Variants in CCDC85A observed in about 807,000 individuals in gnomAD.
The protein encoded by CCDC85A is coiled-coil domain-containing protein 85A.
CCDC85A carries 38 observed loss-of-function variants against 50.2 expected under a neutral mutation model. That is an observed-to-expected ratio of 0.76 (90% CI 0.58 to 0.99). The LOEUF (loss-of-function observed/expected upper bound fraction) is 0.99. Among genes scored for constraint, CCDC85A ranks in the 50% least tolerant of loss-of-function variants. CCDC85A has a pLI of 0.00. For synonymous variants in CCDC85A, 366 were observed against 301.4 expected (o/e 1.21, Z -2.22); for missense variants, 820 against 742.0 (o/e 1.11, Z -1.22).
At chr2:56,225,014 A>T (rs1214855815) in intron 2 of CCDC85A, among the ~76,000 whole-genome samples, 2 of 152,102 alleles carry the variant, frequency 1.3e-5, no homozygotes, top group Non-Finnish European at 1.5e-5. Flanking sequence ...GTTTATGAAG[A>T]TATATACCTA....
intron 2 of CCDC85A, among the ~76,000 whole-genome samples, chr2:56,206,306 A>G (rs2103864831): frequency 6.6e-6 from 1 of 152,322 alleles, no homozygotes; most frequent in East Asian, 1.9e-4. Context: ...TGGGATTTTA[A>G]ATTGAACTCC....
At chr2:56,239,196 T>G (rs1214699024) in intron 2 of CCDC85A, among the ~76,000 whole-genome samples, 1 of 152,110 alleles carries the variant, frequency 6.6e-6, no homozygotes, top group Non-Finnish European at 1.5e-5. Context: ...GTTATATGAC[T>G]GCAGAGTTTG....
At chr2:56,228,435 A>G (rs1668633025) in intron 2 of CCDC85A, among the ~76,000 whole-genome samples, 1 of 152,136 alleles carries the variant, frequency 6.6e-6, no homozygotes, top group South Asian at 2.1e-4. Context: ...AGTGTACAAT[A>G]AATATTTACT....
intron 3 of CCDC85A, among the ~76,000 whole-genome samples, chr2:56,359,969 T>A (rs1055729785): frequency 1.6e-4 from 25 of 152,290 alleles, no homozygotes; most frequent in African/African-American, 6.0e-4. Flanking sequence ...ATGTTTTCTG[T>A]GGGTCAGGAC....
At chr2:56,189,398 T>A (rs776636006) in intron 1 of CCDC85A, among the ~76,000 whole-genome samples, 29 of 150,818 alleles carry the variant, frequency 1.9e-4, no homozygotes, top group Non-Finnish European at 3.8e-4. Flanking sequence ...TTCAAGCAAT[T>A]CTCCTGCCTC....
intron 2 of CCDC85A, among the ~76,000 whole-genome samples, chr2:56,307,397 G>C (rs1239779315): frequency 6.6e-6 from 1 of 152,134 alleles, no homozygotes; most frequent in African/African-American, 2.4e-5. Flanking sequence ...GCTCCTTGCA[G>C]TCTCCCTACA....
chr2:56,279,649 C>T (rs557642817), intron 2 of CCDC85A, among the ~76,000 whole-genome samples: 11 of 152,272 alleles, frequency 7.2e-5, no homozygotes, highest in Non-Finnish European at 1.6e-4. Flanking sequence ...TTTTTAGACT[C>T]CACATATGAG....
intron 2 of CCDC85A, among the ~76,000 whole-genome samples, chr2:56,338,875 A>G (rs577635570): frequency 2.0e-5 from 3 of 152,136 alleles, no homozygotes; most frequent in Admixed American, 1.3e-4. Context: ...CCATTAAAGG[A>G]TGGTGTAATC....
At chr2:56,283,110 C>G (rs1346248781) in intron 2 of CCDC85A, among the ~76,000 whole-genome samples, 3 of 151,986 alleles carry the variant, frequency 2.0e-5, no homozygotes, top group Non-Finnish European at 4.4e-5. Flanking sequence ...GACAGTTTTA[C>G]TTCTTACTTT....
chr2:56,288,930 T>C lies in CCDC85A; in HGVS notation c.1241-53949T>C, dbSNP rs548809979. Among the ~76,000 whole-genome samples, 29 of 152,306 alleles carry C rather than the reference T, an allele frequency of 1.9e-4. No homozygotes were observed. In the South Asian group the frequency reaches 5.4e-3, roughly 28 times the overall value. ...AGTGATAATTATTTCTAAAGGTCTG[T>C]GTACAGAGAGCCTTATGACCCTTTA... On this transcript the variant is annotated intron_variant, in intron 2 of 5. Coordinates refer to ENST00000407595, the MANE Select transcript of CCDC85A (RefSeq NM_001080433.2).
intron 3 of CCDC85A, among the ~76,000 whole-genome samples, chr2:56,361,386 G>C (rs1488051626): frequency 6.6e-6 from 1 of 152,106 alleles, no homozygotes; most frequent in Middle Eastern, 3.2e-3. Context: ...TACTGTTTGA[G>C]AATACAGTCT....
chr2:56,290,127 C>T (rs1671635425), intron 2 of CCDC85A, among the ~76,000 whole-genome samples: 1 of 152,150 alleles, frequency 6.6e-6, no homozygotes, highest in Admixed American at 6.6e-5. Context: ...ATTCTTGCAT[C>T]AGTGCTGACA....
chr2:56,198,285 T>C (rs1277981297), intron 2 of CCDC85A, among the ~76,000 whole-genome samples: 1 of 152,252 alleles, frequency 6.6e-6, no homozygotes, highest in Non-Finnish European at 1.5e-5. Context: ...TGTGAATGAA[T>C]TTGGACAATA....
chr2:56,288,784 G>A (rs1671565618), intron 2 of CCDC85A, among the ~76,000 whole-genome samples: 1 of 151,834 alleles, frequency 6.6e-6, no homozygotes, highest in Non-Finnish European at 1.5e-5. Flanking sequence ...TAAGACCAGA[G>A]CACCAAAATT....
At chr2:56,323,404 T>C (rs900823874) in intron 2 of CCDC85A, among the ~76,000 whole-genome samples, 1 of 151,938 alleles carries the variant, frequency 6.6e-6, no homozygotes, top group African/African-American at 2.4e-5. Context: ...AGTGAATGGG[T>C]TAGGGCTCCA....
At chr2:56,262,655 T>C (rs1451717144) in intron 2 of CCDC85A, among the ~76,000 whole-genome samples, 2 of 152,202 alleles carry the variant, frequency 1.3e-5, no homozygotes, top group Admixed American at 6.5e-5. Context: ...CAAGTGGCAA[T>C]TGTATTTGTT....
chr2:56,250,488 G>A (rs1573100736), intron 2 of CCDC85A, among the ~76,000 whole-genome samples: 1 of 152,180 alleles, frequency 6.6e-6, no homozygotes, highest in Non-Finnish European at 1.5e-5. Flanking sequence ...GGGGAAAGAA[G>A]TTAGGAAATG....
intron 2 of CCDC85A, among the ~76,000 whole-genome samples, chr2:56,304,915 A>AC (rs1161371297): frequency 2.0e-5 from 3 of 148,994 alleles, no homozygotes; most frequent in Non-Finnish European, 3.0e-5. Context: ...CAAAAAACAA[A>AC]AAACAAACAA....
chr2:56,242,105 C>G (rs1429292775), intron 2 of CCDC85A, among the ~76,000 whole-genome samples: 1 of 152,168 alleles, frequency 6.6e-6, no homozygotes, highest in Middle Eastern at 3.4e-3. Context: ...TTTTCATATG[C>G]CTATTTTCCA....
Sources: gnomAD v4.1 joint callset for allele counts (sites outside exome capture counted in the v4.1 genomes callset) on GRCh38, gnomAD v4.1.1 for gene constraint, MANE v1.5 for transcripts, NCBI Gene and HGNC (gene_info 2026-07-23, HGNC 2026-07-21) for gene names.